SHISAL1: variants seen among roughly 807,000 people sequenced by gnomAD.
The protein encoded by SHISAL1 is protein shisa-like-1.
SHISAL1 carries 9 observed loss-of-function variants against 22.6 expected under a neutral mutation model. The observed-to-expected ratio is 0.40, with a 90% CI of 0.24 to 0.70. The LOEUF (loss-of-function observed/expected upper bound fraction) is 0.70, where lower values mean the gene tolerates loss of function less well. SHISAL1 is among the 30% of genes least tolerant of loss of function. The pLI is 0.39. For synonymous variants in SHISAL1, 119 were observed against 115.4 expected, an observed-to-expected ratio of 1.03 and a Z score of -0.20; for missense variants, 246 against 270.6, an observed-to-expected ratio of 0.91 and a Z score of 0.64.
At chr22:44,272,969 T>G (rs2055215173) in intron 4 of SHISAL1, among the ~76,000 whole-genome samples, 1 of 152,110 alleles carries the variant, frequency 6.6e-6, no homozygotes, top group South Asian at 2.1e-4. Context: ...TGGTGGCACA[T>G]GCCTGTAGTC....
In SHISAL1 at chr22:44,290,545, C is replaced by CAAAAAAAA. The variant is rs1449806143; in HGVS notation, c.282-4801_282-4800insTTTTTTTT. Reference sequence around the variant, plus strand: ...ACTCAGTCTCAAAAAAAAAAAAAAACAAAAAACGGGAGTATGGAGCCCATT... The same window carrying CAAAAAAAA: ...ACTCAGTCTCAAAAAAAAAAAAAAACAAAAAAAAAAAAAACGGGAGTATGGAGCCCATT... On this transcript the variant is annotated intron_variant, in intron 3 of 4. Transcript: ENST00000381176. Among the ~76,000 whole-genome samples, 966 of 123,362 alleles carry CAAAAAAAA rather than the reference C, an allele frequency of 7.8e-3. 22 individuals are homozygous for CAAAAAAAA. Among genetic ancestry groups the CAAAAAAAA allele is most frequent in the African/African-American group, 0.028 (931 of 32,736 alleles). 80.9% of individuals were successfully genotyped at this position (123,362 alleles called of 152,430 possible).
At chr22:44,291,100 A>G (rs1389788222) in intron 3 of SHISAL1, among the ~76,000 whole-genome samples, 5 of 152,168 alleles carry the variant, frequency 3.3e-5, no homozygotes, top group African/African-American at 1.2e-4. Flanking sequence ...ATGAGCAAAA[A>G]TGCTGTGGCC....
upstream of SHISAL1, among the ~76,000 whole-genome samples, chr22:44,315,120 T>C (rs2055550060): frequency 3.3e-5 from 5 of 152,008 alleles, no homozygotes; most frequent in South Asian, 1.0e-3. Context: ...TCTTATATTA[T>C]TAACAAACAA....
chr22:44,294,630 T>C (rs1183455943), intron 3 of SHISAL1, among the ~76,000 whole-genome samples: 2 of 152,060 alleles, frequency 1.3e-5, no homozygotes, highest in Non-Finnish European at 2.9e-5. Context: ...GAAAAAGAAG[T>C]GAGGCACGAA....
At chr22:44,307,734 C>T (rs1192626500) in intron 1 of SHISAL1, among the ~76,000 whole-genome samples, 11 of 152,138 alleles carry the variant, frequency 7.2e-5, no homozygotes, top group African/African-American at 9.7e-5. Context: ...TTTTAAACAC[C>T]GAACTTGGCG....
At chr22:44,262,988 C>G (rs760466578) in intron 4 of SHISAL1, among the ~76,000 whole-genome samples, 1 of 151,976 alleles carries the variant, frequency 6.6e-6, no homozygotes, top group Non-Finnish European at 1.5e-5. Flanking sequence ...TGTTCCCCAG[C>G]AGCAGCAACA....
intron 3 of SHISAL1, among the ~76,000 whole-genome samples, chr22:44,289,654 C>A (rs1327163189): frequency 9.9e-5 from 15 of 152,222 alleles, no homozygotes; most frequent in Non-Finnish European, 2.1e-4. Flanking sequence ...GAGGTGACCA[C>A]CCTGGAGGTG....
intron 4 of SHISAL1, among the ~76,000 whole-genome samples, chr22:44,259,159 G>T (rs543070935): frequency 6.6e-6 from 1 of 152,202 alleles, no homozygotes; most frequent in Non-Finnish European, 1.5e-5. Context: ...ACGGCCAGAA[G>T]CGGGCCAGGT....
rs1302592366 is a variant in SHISAL1, at chr22:44,246,941, G to A, written c.*2744C>T. On this transcript the variant is annotated 3_prime_UTR_variant, in exon 5 of 5. Transcript: ENST00000381176. ...AGTCCTCAGCCCAGCTGCCCAAGAG[G>A]GACTTGGCAGAGCAGCAGGACCACA... 1 of 151,852 alleles carries A rather than the reference G, an allele frequency of 6.6e-6. No individual in the cohort carries two copies. Among genetic ancestry groups the A allele is most frequent in the African/African-American group, 2.4e-5 (1 of 41,294 alleles). The allele number at this position is 151,852 out of a possible 1,614,324, so 9.4% of individuals were successfully genotyped here.
chr22:44,321,360 G>A, the SHISAL1 span, among the ~76,000 whole-genome samples: 152 of 152,284 alleles, frequency 1.0e-3, no homozygotes, highest in African/African-American at 3.6e-3. Context: ...CTAGATGCAT[G>A]GTTCCCTCTG....
At chr22:44,289,926 C>T (rs959031380) in intron 3 of SHISAL1, among the ~76,000 whole-genome samples, 1 of 152,190 alleles carries the variant, frequency 6.6e-6, no homozygotes, top group Non-Finnish European at 1.5e-5. Context: ...CAGCCAAAGC[C>T]GCAGATCGCA....
intron 2 of SHISAL1, among the ~76,000 whole-genome samples, chr22:44,299,650 G>T (rs1451162496): frequency 6.6e-6 from 1 of 151,886 alleles, no homozygotes; most frequent in African/African-American, 2.4e-5. Context: ...AAACCACCAG[G>T]CCAGTGTCAG....
intron 3 of SHISAL1, among the ~76,000 whole-genome samples, chr22:44,292,910 T>C (rs2055362272): frequency 6.6e-6 from 1 of 152,254 alleles, no homozygotes; most frequent in Admixed American, 6.5e-5. Context: ...GCAGACACTC[T>C]AGGTCCTCTG....
At chr22:44,300,112 GAGAGACAGAGAC>G (rs1286533271) in intron 2 of SHISAL1, among the ~76,000 whole-genome samples, 9 of 144,662 alleles carry the variant, frequency 6.2e-5, no homozygotes, top group African/African-American at 2.6e-4. Context: ...GAGACAGACA[GAGAGACAGAGAC>G]AGAGAGACAG....
intron 4 of SHISAL1, among the ~76,000 whole-genome samples, chr22:44,283,053 T>C (rs135392): frequency 0.61 from 92,804 of 152,058 alleles, 28,629 homozygotes; most frequent in Admixed American, 0.73. Context: ...CCCTCTCACG[T>C]TGGTTCCTCA....
At chr22:44,269,187 T>C (rs2055187264) in intron 4 of SHISAL1, among the ~76,000 whole-genome samples, 1 of 142,266 alleles carries the variant, frequency 7.0e-6, no homozygotes, top group South Asian at 2.2e-4. Context: ...CACATACATA[T>C]GCCATACAGA....
upstream of SHISAL1, among the ~76,000 whole-genome samples, chr22:44,313,344 C>A (rs564655473): frequency 6.6e-6 from 1 of 152,322 alleles, no homozygotes; most frequent in African/African-American, 2.4e-5. Context: ...CAGCATGGCC[C>A]GGGGAGGGGT....
intron 4 of SHISAL1, among the ~76,000 whole-genome samples, chr22:44,261,817 G>A (rs2055126604): frequency 6.6e-6 from 1 of 152,244 alleles, no homozygotes; most frequent in African/African-American, 2.4e-5. Flanking sequence ...CTGCCCTGAT[G>A]CGGGGGTCAT....
At chr22:44,277,595 A>T (rs368003627) in intron 4 of SHISAL1, among the ~76,000 whole-genome samples, 1 of 152,204 alleles carries the variant, frequency 6.6e-6, no homozygotes, top group East Asian at 1.9e-4. Context: ...GGATCCCTAC[A>T]GCAGGTTCCA....
Sources: allele counts gnomAD v4.1 joint callset (sites outside exome capture counted in the v4.1 genomes callset), GRCh38; gene constraint gnomAD v4.1.1; transcripts MANE v1.5; gene names NCBI Gene and HGNC (gene_info 2026-07-23, HGNC 2026-07-21).